Variants in PHF21A observed in about 807,000 individuals in gnomAD.
PHF21A encodes the protein BHC80a.
In PHF21A, 11 loss-of-function variants were observed where a neutral mutation model predicts 82.5. The observed-to-expected ratio is 0.13, with a 90% CI of 0.08 to 0.22. The LOEUF (loss-of-function observed/expected upper bound fraction) is 0.22. Among genes scored for constraint, PHF21A ranks in the 10% least tolerant of loss-of-function variants. The pLI is 1.00. For synonymous variants in PHF21A, 297 were observed against 302.8 expected (o/e 0.98, Z 0.20); for missense variants, 579 against 837.8 (o/e 0.69, Z 3.81).
At chr11:46,085,917 A>T (rs2135311372) in intron 3 of PHF21A, among the ~76,000 whole-genome samples, 1 of 152,298 alleles carries the variant, frequency 6.6e-6, no homozygotes, top group Middle Eastern at 3.4e-3. Flanking sequence ...ATTATATAAC[A>T]TCAAAATACT....
chr11:46,013,615 G>A (rs1423895832), intron 6 of PHF21A, among the ~76,000 whole-genome samples: 1 of 152,132 alleles, frequency 6.6e-6, no homozygotes, highest in Non-Finnish European at 1.5e-5. Flanking sequence ...CCTGAGAAAT[G>A]CATCCTTAGG....
intron 6 of PHF21A, among the ~76,000 whole-genome samples, chr11:46,023,047 G>A (rs575178611): frequency 3.3e-5 from 5 of 152,220 alleles, no homozygotes; most frequent in South Asian, 2.1e-4. Context: ...CACCGCGCCC[G>A]GCCTTGTTAT....
Position 45,948,946 on chromosome 11 carries a change from G to A in PHF21A, c.1228C>T (p.Arg410Cys), listed in dbSNP as rs1286173614. The stretch of plus-strand genomic sequence containing the variant: ...AGGTATGTCACTGCACTCTTCTTAC[G>A]CTTTGAGGGTTGAAGGAGGAAAGGT... ...VYSGAVFEPE[R>C]KKSAVTYLNS... The change falls in exon 14 of 19, where the codon CGT becomes TGT. Residue 410 changes from arginine to cysteine, a missense_variant and splice_region_variant. Physicochemically the swap from Arg to Cys is radical, Grantham distance 180 (BLOSUM62 -3). Transcript: ENST00000676320. 4 of 1,613,120 alleles carry A rather than the reference G, an allele frequency of 2.5e-6. No individual in the cohort carries two copies. The highest frequency in any genetic ancestry group is 1.1e-5 in the South Asian group (1 of 91,058).
intron 6 of PHF21A, among the ~76,000 whole-genome samples, chr11:46,074,917 T>C (rs1287916669): frequency 1.3e-5 from 2 of 152,250 alleles, no homozygotes; most frequent in African/African-American, 4.8e-5. Flanking sequence ...TACCTAAAAA[T>C]GATATTTTTC....
chr11:46,045,823 C>A (rs981284833), intron 6 of PHF21A, among the ~76,000 whole-genome samples: 2 of 152,206 alleles, frequency 1.3e-5, no homozygotes, highest in Admixed American at 1.3e-4. Flanking sequence ...CCACAGCAGG[C>A]AGGTGTCTTA....
At chr11:46,117,422 T>C (rs1851643061) in intron 1 of PHF21A, 1 of 152,236 alleles carries the variant, frequency 6.6e-6, no homozygotes, top group Non-Finnish European at 1.5e-5. Context: ...AACAATGACC[T>C]ACCACTGATA....
chr11:45,954,290 C>T (rs1333352758), intron 10 of PHF21A, among the ~76,000 whole-genome samples: 1 of 152,150 alleles, frequency 6.6e-6, no homozygotes, highest in African/African-American at 2.4e-5. Context: ...AGCCACCATG[C>T]CCAGCCCACT....
At chr11:45,960,944 G>A (rs925853740) in intron 10 of PHF21A, among the ~76,000 whole-genome samples, 1 of 152,190 alleles carries the variant, frequency 6.6e-6, no homozygotes, top group African/African-American at 2.4e-5. Context: ...TTATTGCCAA[G>A]AAGCAGCTGC....
At chr11:46,011,614 T>C (rs2095416040) in intron 6 of PHF21A, among the ~76,000 whole-genome samples, 1 of 152,250 alleles carries the variant, frequency 6.6e-6, no homozygotes, top group Non-Finnish European at 1.5e-5. Flanking sequence ...TACTAAGCAC[T>C]GCTTTTCATT....
At chr11:46,028,326 T>G (rs1043733372) in intron 6 of PHF21A, among the ~76,000 whole-genome samples, 1 of 152,120 alleles carries the variant, frequency 6.6e-6, no homozygotes, top group Non-Finnish European at 1.5e-5. Context: ...AAAATAATAA[T>G]ACTATACATC....
intron 9 of PHF21A, 121 bp from the exon 10 acceptor site, chr11:45,965,729 T>C (rs574525296): frequency 6.3e-6 from 5 of 787,626 alleles, no homozygotes. Flanking sequence ...TTCATTTTGG[T>C]ACATTAATTC....
intron 6 of PHF21A, among the ~76,000 whole-genome samples, chr11:46,025,611 A>T (rs1037878289): frequency 3.3e-4 from 50 of 152,318 alleles, no homozygotes; most frequent in Middle Eastern, 3.4e-3. Context: ...CATTTAAAAA[A>T]TTTTCACTTT....
At chr11:45,954,344 G>A (rs1209142798) in intron 10 of PHF21A, among the ~76,000 whole-genome samples, 3 of 152,112 alleles carry the variant, frequency 2.0e-5, no homozygotes, top group Non-Finnish European at 4.4e-5. Context: ...ACCTGCTTAA[G>A]ATCAGAATGA....
intron 9 of PHF21A, among the ~76,000 whole-genome samples, chr11:45,969,047 T>G (rs1162259064): frequency 2.0e-5 from 3 of 151,866 alleles, no homozygotes; most frequent in African/African-American, 7.3e-5. Flanking sequence ...TCATCTTATC[T>G]CATATTAGCA....
chr11:45,970,114 T>C (rs916907481), intron 8 of PHF21A: 3 of 515,876 alleles, frequency 5.8e-6, no homozygotes, highest in Non-Finnish European at 1.0e-5. Context: ...ACCACACTTC[T>C]GTTTCCTCCT....
At chr11:46,030,830 C>CGTGTGTGTGTGTGTGTGTGT (rs71038879) in intron 6 of PHF21A, among the ~76,000 whole-genome samples, 1 of 142,212 alleles carries the variant, frequency 7.0e-6, no homozygotes, top group Non-Finnish European at 1.5e-5. Flanking sequence ...CGTGTGTGTG[C>CGTGTGTGTGTGTGTGTGTGT]GTGTGTGTGT....
At chr11:46,071,733 CA>C (rs10712240) in intron 6 of PHF21A, among the ~76,000 whole-genome samples, 132,870 of 147,876 alleles carry the variant, frequency 0.9, 59,705 homozygotes, top group East Asian at 1. Flanking sequence ...TGATAATAGC[CA>C]AAAAAAAAAA....
intron 15 of PHF21A, among the ~76,000 whole-genome samples, chr11:45,944,931 T>G (rs933263076): frequency 6.6e-6 from 1 of 152,070 alleles, no homozygotes; most frequent in South Asian, 2.1e-4. Flanking sequence ...GCCCGGCTAA[T>G]TTTTGTGTTT....
intron 6 of PHF21A, among the ~76,000 whole-genome samples, chr11:46,064,113 G>A (rs2096567562): frequency 1.3e-5 from 2 of 152,136 alleles, no homozygotes; most frequent in Admixed American, 1.3e-4. Flanking sequence ...CCACAGGAAA[G>A]GAGTTGTTAA....
Sources: gnomAD v4.1 joint callset for allele counts (sites outside exome capture counted in the v4.1 genomes callset) on GRCh38, gnomAD v4.1.1 for gene constraint, MANE v1.5 for transcripts, NCBI Gene and HGNC (gene_info 2026-07-23, HGNC 2026-07-21) for gene names.